GRID2: variants seen among roughly 807,000 people sequenced by gnomAD.
GRID2 encodes glutamate receptor ionotropic, delta-2.
In GRID2, 33 loss-of-function variants were observed where a neutral mutation model predicts 114.8. The ratio of observed to expected loss-of-function variants is 0.29; its 90% CI spans 0.22 to 0.38. The LOEUF (loss-of-function observed/expected upper bound fraction) is 0.38, where lower values mean the gene tolerates loss of function less well. GRID2 is among the 10% of genes least tolerant of loss of function. GRID2 has a pLI of 1.00. For missense variants in GRID2, 1,184 were observed against 1,257.7 expected (o/e 0.94, Z 0.89); for synonymous variants, 505 against 449.9 (o/e 1.12, Z -1.55).
Position 93,171,707 on chromosome 4 carries a change from A to C in GRID2, c.736-35697A>C, listed in dbSNP as rs551520503. On this transcript the variant is annotated intron_variant, in intron 4 of 15. Coordinates refer to ENST00000282020, the MANE Select transcript of GRID2 (RefSeq NM_001510.4). Reference sequence around the variant, plus strand: ...GAAAAGGATGTCATGGAAAGAGAAAATAATTACTCTCATATAGGCATATAT... The same window carrying C: ...GAAAAGGATGTCATGGAAAGAGAAACTAATTACTCTCATATAGGCATATAT... Among the ~76,000 whole-genome samples, 17 of 152,350 alleles carry C rather than the reference A, an allele frequency of 1.1e-4. 1 individual carries two copies. The South Asian group carries it at 3.5e-3, about 32-fold the overall frequency.
At chr4:92,306,940 A>G (rs963213999) in intron 1 of GRID2, among the ~76,000 whole-genome samples, 6 of 152,188 alleles carry the variant, frequency 3.9e-5, no homozygotes, top group African/African-American at 1.4e-4. Context: ...TAGCTGTTTT[A>G]TAGACTACCT....
At chr4:93,658,372 A>G (rs989087756) in intron 14 of GRID2, among the ~76,000 whole-genome samples, 2 of 152,206 alleles carry the variant, frequency 1.3e-5, no homozygotes, top group East Asian at 3.8e-4. Flanking sequence ...GGTCTTATTT[A>G]TTTAATATTG....
intron 8 of GRID2, among the ~76,000 whole-genome samples, chr4:93,244,228 C>T (rs1477905343): frequency 1.3e-5 from 2 of 151,814 alleles, no homozygotes; most frequent in Non-Finnish European, 2.9e-5. Flanking sequence ...CGGAATAAGG[C>T]TAGGAAAAGC....
At chr4:93,159,595 A>G (rs2149405866) in intron 4 of GRID2, among the ~76,000 whole-genome samples, 1 of 151,846 alleles carries the variant, frequency 6.6e-6, no homozygotes, top group African/African-American at 2.4e-5. Context: ...GAAGAGTCTT[A>G]GCTACTGTAA....
intron 14 of GRID2, among the ~76,000 whole-genome samples, chr4:93,637,914 A>G (rs10516931): frequency 0.065 from 9,853 of 152,204 alleles, 483 homozygotes; most frequent in Non-Finnish European, 0.1. Context: ...TAACATCATA[A>G]TTGGTCAGAC....
At chr4:92,971,585 T>G (rs931472452) in intron 2 of GRID2, among the ~76,000 whole-genome samples, 11 of 152,212 alleles carry the variant, frequency 7.2e-5, no homozygotes, top group Non-Finnish European at 1.5e-4. Context: ...AAATATACAC[T>G]AAATTATTGT....
intron 1 of GRID2, among the ~76,000 whole-genome samples, chr4:92,586,464 A>G (rs763693441): frequency 3.3e-5 from 5 of 151,964 alleles, no homozygotes; most frequent in Non-Finnish European, 7.4e-5. Context: ...CATTTTAAAA[A>G]TTGGCAAGTA....
intron 9 of GRID2, among the ~76,000 whole-genome samples, chr4:93,405,795 G>A (rs1766351720): frequency 6.6e-6 from 1 of 152,128 alleles, no homozygotes; most frequent in African/African-American, 2.4e-5. Flanking sequence ...CAATGCAGTA[G>A]TTTCAACATA....
chr4:93,615,261 A>T (rs865807345), intron 13 of GRID2, among the ~76,000 whole-genome samples: 1 of 152,314 alleles, frequency 6.6e-6, no homozygotes, highest in East Asian at 1.9e-4. Flanking sequence ...TCGTCTTTGC[A>T]TCTATAAATT....
chr4:93,265,625 A>T (rs1369313063), intron 8 of GRID2, among the ~76,000 whole-genome samples: 2 of 152,342 alleles, frequency 1.3e-5, no homozygotes, highest in East Asian at 3.9e-4. Context: ...CAATTCTAAC[A>T]TGAAACATTG....
chr4:93,065,795 G>T (rs1329132999), intron 2 of GRID2, among the ~76,000 whole-genome samples: 1 of 151,722 alleles, frequency 6.6e-6, no homozygotes, highest in East Asian at 1.9e-4. Context: ...TTTCCTTATG[G>T]TTCTTTAAGC....
intron 2 of GRID2, among the ~76,000 whole-genome samples, chr4:92,919,168 G>C (rs1749084184): frequency 6.6e-6 from 1 of 152,056 alleles, no homozygotes; most frequent in African/African-American, 2.4e-5. Flanking sequence ...TCTGATGGTG[G>C]TTTGTATTTC....
At chr4:93,000,277 G>A (rs1446571898) in intron 2 of GRID2, among the ~76,000 whole-genome samples, 1 of 151,136 alleles carries the variant, frequency 6.6e-6, no homozygotes, top group Admixed American at 6.6e-5. Context: ...TATTAGCCAG[G>A]GTCTTTACAT....
At position 93,759,729 on chromosome 4, in the gene GRID2, G is replaced by A. The variant is rs182503549; in HGVS notation, c.2361-9481G>A. Among the ~76,000 whole-genome samples the A allele has an allele frequency of 3.3e-3, 506 of 152,208 alleles. 7 individuals are homozygous for A. The highest frequency in any genetic ancestry group is 6.9e-4 in the Non-Finnish European group (47 of 67,998). ...TTCATCTGACCTTTAATCACAAAGC[G>A]ATTAATGAACTCATGAGATACTCAT... is the stretch of plus-strand genomic sequence containing the variant. On this transcript the variant is annotated intron_variant, in intron 14 of 15. Transcript: ENST00000282020.
At chr4:93,246,889 TG>T (rs1748274854) in intron 8 of GRID2, among the ~76,000 whole-genome samples, 1 of 152,186 alleles carries the variant, frequency 6.6e-6, no homozygotes, top group Non-Finnish European at 1.5e-5. Flanking sequence ...GTATATTCTG[TG>T]GACCAAATTG....
At chr4:93,680,181 A>G (rs1725370214) in intron 14 of GRID2, among the ~76,000 whole-genome samples, 1 of 152,142 alleles carries the variant, frequency 6.6e-6, no homozygotes, top group Non-Finnish European at 1.5e-5. Flanking sequence ...AATCTAGAAG[A>G]AATGGATAAA....
intron 2 of GRID2, among the ~76,000 whole-genome samples, chr4:92,656,212 TTTTA>T (rs1445474765): frequency 1.3e-5 from 2 of 151,804 alleles, no homozygotes; most frequent in African/African-American, 4.8e-5. Context: ...CTTTTGTATT[TTTTA>T]TTTTTTGATA....
intron 2 of GRID2, among the ~76,000 whole-genome samples, chr4:92,794,157 G>T (rs1025557241): frequency 7.3e-5 from 11 of 151,580 alleles, no homozygotes; most frequent in African/African-American, 2.7e-4. Context: ...CTTACTATCA[G>T]CCAGGCTACA....
At chr4:92,847,657 C>T (rs892612297) in intron 2 of GRID2, among the ~76,000 whole-genome samples, 3 of 151,794 alleles carry the variant, frequency 2.0e-5, no homozygotes, top group Non-Finnish European at 1.5e-5. Flanking sequence ...TGAATTTGTT[C>T]CCATTAATTT....
Sources: gnomAD v4.1 joint callset for allele counts (sites outside exome capture counted in the v4.1 genomes callset) on GRCh38, gnomAD v4.1.1 for gene constraint, MANE v1.5 for transcripts, NCBI Gene and HGNC (gene_info 2026-07-23, HGNC 2026-07-21) for gene names.